The following GALNTL6 variants were observed in gnomAD, a reference collection of about 807,000 sequenced individuals.
GALNTL6 encodes polypeptide N-acetylgalactosaminyltransferase-like 6.
GALNTL6 carries 46 observed loss-of-function variants against 73.7 expected under a neutral mutation model. The ratio of observed to expected loss-of-function variants is 0.62; its 90% CI spans 0.49 to 0.80. GALNTL6 has a LOEUF of 0.80. GALNTL6 is among the 30% of genes least tolerant of loss of function. The pLI, the probability that GALNTL6 is intolerant of heterozygous loss-of-function variation, is 0.00. For missense variants in GALNTL6, 604 were observed against 755.0 expected (o/e 0.80, Z 2.34); for synonymous variants, 259 against 263.7 (o/e 0.98, Z 0.17).
intron 2 of GALNTL6, among the ~76,000 whole-genome samples, chr4:171,980,975 T>G (rs1739880364): frequency 6.6e-6 from 1 of 152,180 alleles, no homozygotes; most frequent in Non-Finnish European, 1.5e-5. Context: ...TAGAATCAAG[T>G]GTTATAAATG....
intron 10 of GALNTL6, among the ~76,000 whole-genome samples, chr4:172,971,564 C>T (rs923423957): frequency 6.6e-6 from 1 of 152,104 alleles, no homozygotes; most frequent in Non-Finnish European, 1.5e-5. Flanking sequence ...TGCTGATTGT[C>T]GCATAGGCAT....
At chr4:172,282,476 A>G (rs753009590) in intron 3 of GALNTL6, among the ~76,000 whole-genome samples, 4 of 152,212 alleles carry the variant, frequency 2.6e-5, no homozygotes, top group Non-Finnish European at 4.4e-5. Context: ...AAGACTGTCT[A>G]CTTGAGAAAC....
At chr4:172,924,981 C>T (rs1453896023) in intron 8 of GALNTL6, among the ~76,000 whole-genome samples, 1 of 152,114 alleles carries the variant, frequency 6.6e-6, no homozygotes, top group Admixed American at 6.5e-5. Flanking sequence ...ACGCCATTCT[C>T]CTGCCTCAGC....
chr4:172,092,772 C>T (rs1732240347), intron 2 of GALNTL6, among the ~76,000 whole-genome samples: 1 of 151,744 alleles, frequency 6.6e-6, no homozygotes, highest in African/African-American at 2.4e-5. Context: ...AAGTTTACAA[C>T]ACTTTTTACT....
At chr4:172,390,763 A>G (rs1328732356) in intron 5 of GALNTL6, among the ~76,000 whole-genome samples, 1 of 152,196 alleles carries the variant, frequency 6.6e-6, no homozygotes, top group African/African-American at 2.4e-5. Context: ...TTTTGTTCAA[A>G]TGAGAGGCAA....
rs576681132 is a variant in GALNTL6, at chr4:172,284,632, A to G, written c.248-26982A>G. Among the ~76,000 whole-genome samples the G allele has an allele frequency of 2.6e-5, 4 of 152,238 alleles. No individual in the cohort carries two copies. The South Asian group carries it at 6.2e-4, about 24-fold the overall frequency. ...TTTGTATTTTTAGGTCTTACACTTAAGTCTTTCATCCATTTTGTGTTGATT... is the reference window on the plus strand; with the variant it reads ...TTTGTATTTTTAGGTCTTACACTTAGGTCTTTCATCCATTTTGTGTTGATT... On this transcript the variant is annotated intron_variant, in intron 3 of 12. Coordinates refer to ENST00000506823, the MANE Select transcript of GALNTL6 (RefSeq NM_001034845.3).
In GALNTL6 at chr4:173,040,180, AATAAC is replaced by A. The variant is rs1332120877; in HGVS notation, c.*83_*87del. The A allele has an allele frequency of 9.2e-7, 1 of 1,082,404 alleles. No homozygotes were observed. The highest frequency in any genetic ancestry group is 1.6e-5 in the African/African-American group (1 of 62,046). The allele number at this position is 1,082,404 out of a possible 1,614,324, so 67.0% of individuals were successfully genotyped here. A position where few individuals can be genotyped will look rare whatever the true frequency, so the allele number is the denominator to read the frequency against. ...CAGCATCTGGGTCGAAGGAGTCAGG[AATAAC>A]ATTTCCTCGATCCAGGAAGGCTGGT... is the stretch of plus-strand genomic sequence containing the variant. On this transcript the variant is annotated 3_prime_UTR_variant, in exon 13 of 13. Coordinates refer to ENST00000506823, the MANE Select transcript of GALNTL6 (RefSeq NM_001034845.3).
chr4:172,135,552 G>A (rs994780281), intron 2 of GALNTL6, among the ~76,000 whole-genome samples: 1 of 152,050 alleles, frequency 6.6e-6, no homozygotes, highest in Admixed American at 6.6e-5. Context: ...ACTTCTACCA[G>A]TTCATAGTTA....
chr4:172,284,756 G>T (rs1439494133), intron 3 of GALNTL6, among the ~76,000 whole-genome samples: 2 of 152,084 alleles, frequency 1.3e-5, no homozygotes, highest in Non-Finnish European at 2.9e-5. Flanking sequence ...CCTTTCCCCA[G>T]TGTATGTCCT....
intron 5 of GALNTL6, among the ~76,000 whole-genome samples, chr4:172,693,128 G>A (rs1234657652): frequency 6.6e-6 from 1 of 151,920 alleles, no homozygotes; most frequent in African/African-American, 2.4e-5. Flanking sequence ...AACAGAAGAG[G>A]GTATATGACC....
At chr4:171,993,358 T>C (rs1379811036) in intron 2 of GALNTL6, among the ~76,000 whole-genome samples, 1 of 151,242 alleles carries the variant, frequency 6.6e-6, no homozygotes, top group African/African-American at 2.4e-5. Context: ...AACCAGAAAA[T>C]ATTGGCAATG....
chr4:172,162,447 A>G (rs1026507450), intron 2 of GALNTL6, among the ~76,000 whole-genome samples: 3 of 152,028 alleles, frequency 2.0e-5, no homozygotes, highest in African/African-American at 7.2e-5. Flanking sequence ...CATCTCTGAA[A>G]AAACTATTAA....
intron 5 of GALNTL6, among the ~76,000 whole-genome samples, chr4:172,571,802 A>G (rs1736771108): frequency 6.6e-6 from 1 of 152,206 alleles, no homozygotes; most frequent in African/African-American, 2.4e-5. Context: ...TTCTAATAAC[A>G]TGTTTTCATG....
rs1254869443 is a variant in GALNTL6 at position 172,206,818 on chromosome 4, G to GTTT, written c.139-22823_139-22821dup. ...TTTTGTTTTTCTGTTTTTTTTGTTT[G>GTTT]TTTTTTTTTTTTTTTTTGAGACGGA... On this transcript the variant is annotated intron_variant, in intron 2 of 12. Transcript: ENST00000506823. Among the ~76,000 whole-genome samples the GTTT allele has an allele frequency of 4.8e-5, 3 of 62,854 alleles. 1 individual carries two copies. Among genetic ancestry groups the GTTT allele is most frequent in the Non-Finnish European group, 9.8e-5 (3 of 30,608 alleles). 41.2% of individuals were successfully genotyped at this position (62,854 alleles called of 152,430 possible). A position where few individuals can be genotyped will look rare whatever the true frequency, so the allele number is the denominator to read the frequency against.
chr4:173,027,459 T>G lies in GALNTL6; in HGVS notation c.1638+5834T>G, dbSNP rs186361501. Among the ~76,000 whole-genome samples the G allele has an allele frequency of 1.4e-3, 207 of 152,362 alleles. 1 individual carries two copies. Among genetic ancestry groups the G allele is most frequent in the African/African-American group, 4.7e-3 (197 of 41,584 alleles). Reference sequence around the variant, plus strand: ...CGCTTTTATTGTAAGTCAAGAGGTCTTATATACACTGGTCCATTGTTAAAT... The same window carrying G: ...CGCTTTTATTGTAAGTCAAGAGGTCGTATATACACTGGTCCATTGTTAAAT... On this transcript the variant is annotated intron_variant, in intron 12 of 12. Coordinates refer to ENST00000506823, the MANE Select transcript of GALNTL6 (RefSeq NM_001034845.3).
chr4:171,990,853 A>G (rs1318830850), intron 2 of GALNTL6, among the ~76,000 whole-genome samples: 1 of 152,210 alleles, frequency 6.6e-6, no homozygotes, highest in Non-Finnish European at 1.5e-5. Flanking sequence ...ATTGTTTTAA[A>G]TGTTGCTGTA....
chr4:172,518,084 G>C (rs1000664333), intron 5 of GALNTL6, among the ~76,000 whole-genome samples: 1 of 151,654 alleles, frequency 6.6e-6, no homozygotes, highest in Admixed American at 6.6e-5. Context: ...ACTATAAATC[G>C]TGCTTTCTTT....
chr4:172,453,567 C>T (rs902068020), intron 5 of GALNTL6, among the ~76,000 whole-genome samples: 4 of 152,144 alleles, frequency 2.6e-5, no homozygotes, highest in Admixed American at 6.5e-5. Flanking sequence ...CTCTGATCAA[C>T]AAGGAATATT....
intron 5 of GALNTL6, among the ~76,000 whole-genome samples, chr4:172,582,897 C>T (rs1254480331): frequency 6.6e-6 from 1 of 152,178 alleles, no homozygotes; most frequent in East Asian, 1.9e-4. Context: ...AGTCTGCATC[C>T]TTCAAATATC....
Sources: allele counts gnomAD v4.1 joint callset (sites outside exome capture counted in the v4.1 genomes callset), GRCh38; gene constraint gnomAD v4.1.1; transcripts MANE v1.5; gene names NCBI Gene and HGNC (gene_info 2026-07-23, HGNC 2026-07-21).